DUOX1: variants seen among roughly 807,000 people sequenced by gnomAD.
DUOX1 encodes the protein dual oxidase 1, also known as NADPH thyroid oxidase 1.
DUOX1 carries 134 observed loss-of-function variants against 181.8 expected under a neutral mutation model. The observed-to-expected ratio is 0.74, with a 90% CI of 0.64 to 0.85. The LOEUF is 0.85. DUOX1 is among the 40% of genes least tolerant of loss of function. DUOX1 has a pLI of 0.00. For synonymous variants in DUOX1, 798 were observed against 832.5 expected (o/e 0.96, Z 0.71); for missense variants, 1,814 against 2,064.4 (o/e 0.88, Z 2.35).
intron 14 of DUOX1, 51 bp downstream of exon 14, chr15:45,141,461 C>T (rs1251028112): frequency 1.3e-6 from 2 of 1,568,620 alleles, no homozygotes; most frequent in Admixed American, 1.7e-5. Context: ...AGCCTCGTCC[C>T]TCTTCAGCTC....
rs751844410 is a variant in DUOX1, at chr15:45,162,169, G to A, written c.4090-50G>A. Reference sequence around the variant, plus strand: ...TCCTTTTCTCTCATTTCTGGCTTCCGATCTATGGTGGTGGCCAAGCTTAAC... The same window carrying A: ...TCCTTTTCTCTCATTTCTGGCTTCCAATCTATGGTGGTGGCCAAGCTTAAC... On this transcript the variant is annotated intron_variant, in intron 30 of 33. Transcript: ENST00000389037. The A allele has an allele frequency of 7.0e-6, 11 of 1,572,268 alleles. No homozygotes were observed. The South Asian group carries it at 9.5e-5, about 14-fold the overall frequency.
intron 10 of DUOX1, among the ~76,000 whole-genome samples, chr15:45,138,444 C>T (rs535218709): frequency 6.6e-6 from 1 of 152,162 alleles, no homozygotes; most frequent in Non-Finnish European, 1.5e-5. Flanking sequence ...TGTGTGAATG[C>T]GTATGTGTGA....
chr15:45,160,148 TC>T (rs906995051), intron 28 of DUOX1, among the ~76,000 whole-genome samples: 1 of 151,800 alleles, frequency 6.6e-6, no homozygotes, highest in Non-Finnish European at 1.5e-5. Context: ...TGAGACTCTG[TC>T]CCCCCAACCC....
chr15:45,147,182 T>A (rs578235461), intron 18 of DUOX1, among the ~76,000 whole-genome samples: 14 of 152,350 alleles, frequency 9.2e-5, no homozygotes, highest in Admixed American at 2.6e-4. Flanking sequence ...CCACACTTTC[T>A]GAGCTTTCTT....
chr15:45,133,985 AG>A (rs754192935), intron 3 of DUOX1, 38 bp downstream of exon 3: 6 of 1,604,574 alleles, frequency 3.7e-6, no homozygotes, highest in Middle Eastern at 1.7e-4. Flanking sequence ...CCCCAGGGCC[AG>A]GGGGGTACTG....
chr15:45,151,127 T>G lies in DUOX1; in HGVS notation c.2893T>G (p.Ser965Ala). 6.2e-7 allele frequency: 1 copy of G among 1,614,002 alleles called. No homozygotes were observed. The highest frequency in any genetic ancestry group is 8.5e-7 in the Non-Finnish European group (1 of 1,179,956). Residue 965 changes from serine (S) to alanine (A), a missense_variant, in exon 23 of 34, where the codon TCT (serine) becomes GCT (alanine). By Grantham distance (99) the Ser-to-Ala change is moderately conservative. Coordinates refer to ENST00000389037, the MANE Select transcript of DUOX1 (RefSeq NM_175940.3). ...CTCTTACCATTCTTGTCTTAGTCCCTCTCCCAGAGTGAGTGCCCGCTGTTC... is the reference window on the plus strand; with the variant it reads ...CTCTTACCATTCTTGTCTTAGTCCCGCTCCCAGAGTGAGTGCCCGCTGTTC... ...SYISQDMICP[S>A]PRVSARCSRS...
chr15:45,141,756 G>A (rs1436594607), intron 14 of DUOX1, among the ~76,000 whole-genome samples: 15 of 37,188 alleles, frequency 4.0e-4, no homozygotes, highest in African/African-American at 9.5e-4. Context: ...GGAAGCGTGT[G>A]TGTGTGTGTG....
In DUOX1 at chr15:45,151,817, C is replaced by T. The variant is rs547749599; in HGVS notation, c.3015-57C>T. 3.9e-6 allele frequency: 6 copies of T among 1,553,838 alleles called. No individual in the cohort carries two copies. In the South Asian group the frequency reaches 7.2e-5, roughly 19 times the overall value. ...GCGGCTCACCTCCGTGAAGTGGGGC[C>T]CCACTAGCGTTGGGTCCCATGGTGG... On this transcript the variant is annotated intron_variant, in intron 23 of 33. Transcript: ENST00000389037.
At chr15:45,161,201 C>G (rs1284101608) in intron 29 of DUOX1, among the ~76,000 whole-genome samples, 1 of 151,784 alleles carries the variant, frequency 6.6e-6, no homozygotes, top group East Asian at 1.9e-4. Flanking sequence ...ATCATGAGGT[C>G]AAGAGATCGA....
At position 45,155,883 on chromosome 15, in the gene DUOX1, G is replaced by A. The variant is rs138894830; in HGVS notation, c.3656G>A (p.Arg1219Gln). 1,321 of 1,614,098 alleles carry A rather than the reference G, an allele frequency of 8.2e-4. 3 individuals carry two copies. The highest frequency in any genetic ancestry group is 9.6e-4 in the Non-Finnish European group (1,129 of 1,180,012). ...ASHHFRRRSFRGFWLTHHLYI... is the reference protein window; with the variant it reads ...ASHHFRRRSFQGFWLTHHLYI... ...CACCACTTCCGCCGCCGCAGTTTCC[G>A]GGGCTTCTGGCTGACCCACCACCTC... The change falls in exon 28 of 34, where the codon CGG becomes CAG. Residue 1219 changes from arginine to glutamine, a missense_variant. Coordinates refer to ENST00000389037, the MANE Select transcript of DUOX1 (RefSeq NM_175940.3).
intron 18 of DUOX1, among the ~76,000 whole-genome samples, chr15:45,146,906 CT>C (rs1896668771): frequency 6.6e-6 from 1 of 152,220 alleles, no homozygotes; most frequent in South Asian, 2.1e-4. Context: ...TCAAGCCCAG[CT>C]TTTCCTCAAT....
At chr15:45,156,608 T>C (rs1476021053) in intron 28 of DUOX1, among the ~76,000 whole-genome samples, 1 of 152,078 alleles carries the variant, frequency 6.6e-6, no homozygotes, top group Non-Finnish European at 1.5e-5. Flanking sequence ...AATTTTTGTA[T>C]CTTTAGTAGA....
Position 45,165,044 on chromosome 15 carries a change from C to A in DUOX1, c.*143C>A. On this transcript the variant is annotated 3_prime_UTR_variant, in exon 34 of 34. Transcript: ENST00000389037. ...CTTGTTCCAGGTGGCCATAGTCAGT[C>A]ACCATGTGTGGGCTCAGGGACCCCC... is the stretch of plus-strand genomic sequence containing the variant. The A allele has an allele frequency of 1.1e-6, 1 of 927,074 alleles. No homozygotes were observed. The highest frequency in any genetic ancestry group is 1.6e-6 in the Non-Finnish European group (1 of 608,676). 57.4% of individuals were successfully genotyped at this position (927,074 alleles called of 1,614,324 possible).
chr15:45,153,219 T>TAAAAAAAAA, intron 25 of DUOX1, 161 bp from the exon 26 acceptor site: 2 of 199,236 alleles, frequency 1.0e-5, no homozygotes, highest in Non-Finnish European at 1.9e-5. Flanking sequence ...AGACTCCATC[T>TAAAAAAAAA]AAAAAAAAAA....
chr15:45,133,186 G>T (rs1896198413), intron 2 of DUOX1, among the ~76,000 whole-genome samples: 2 of 152,126 alleles, frequency 1.3e-5, no homozygotes, highest in Non-Finnish European at 2.9e-5. Context: ...GCTCCCTCCT[G>T]GACCCTCATT....
At position 45,162,230 on chromosome 15, in the gene DUOX1, TG is replaced by T; in HGVS notation, c.4103del (p.Gly1368AspfsTer18). On this transcript the variant is annotated frameshift_variant, in exon 31 of 34. Coordinates refer to ENST00000389037, the MANE Select transcript of DUOX1 (RefSeq NM_175940.3). LOFTEE classifies it high-confidence loss of function. ...CARYPKLYLD[G>X]PFGEGHQEWH... ...GCCCCTCCCTACAGCTGTACCTTGA[TG>T]GACCATTTGGAGAGGGCCACCAGGA... 12 of 1,609,600 alleles carry T rather than the reference TG, an allele frequency of 7.5e-6. No homozygotes were observed. The highest frequency in any genetic ancestry group is 1.0e-5 in the Non-Finnish European group (12 of 1,177,394).
At chr15:45,151,056 A>C in intron 22 of DUOX1, 67 bp from the exon 23 acceptor site, 12 of 1,595,300 alleles carry the variant, frequency 7.5e-6, no homozygotes, top group Non-Finnish European at 1.0e-5. Flanking sequence ...TTGGAGGCAG[A>C]CCAGGATAGC....
intron 15 of DUOX1, 87 bp from the exon 16 acceptor site, chr15:45,143,103 G>T: frequency 1.1e-6 from 1 of 951,050 alleles, no homozygotes; most frequent in Non-Finnish European, 1.6e-6. Context: ...ACAATAGGTG[G>T]TATTGCCAGG....
chr15:45,135,345 G>A, intron 5 of DUOX1, 54 bp downstream of exon 5: 3 of 1,523,060 alleles, frequency 2.0e-6, no homozygotes, highest in Non-Finnish European at 2.6e-6. Context: ...GTGGGACCTG[G>A]GCTTCGGGCC....
Sources: allele counts gnomAD v4.1 joint callset (sites outside exome capture counted in the v4.1 genomes callset), GRCh38; gene constraint gnomAD v4.1.1; transcripts MANE v1.5; gene names NCBI Gene and HGNC (gene_info 2026-07-23, HGNC 2026-07-21).